KIRREL3: variants seen among roughly 807,000 people sequenced by gnomAD.
KIRREL3 encodes the protein kin of IRRE-like protein 3.
Under a neutral mutation model 89.7 loss-of-function variants are expected in KIRREL3, and 36 were observed. The observed-to-expected ratio is 0.40, with a 90% CI of 0.31 to 0.53. The LOEUF is 0.53. Among genes scored for constraint, KIRREL3 ranks in the 20% least tolerant of loss-of-function variants. The probability of loss-of-function intolerance (pLI) is 0.49; values close to 1 mark genes in which losing one functional copy is unlikely to be tolerated. For synonymous variants in KIRREL3, 445 were observed against 441.4 expected, an observed-to-expected ratio of 1.01 and a Z score of -0.10; for missense variants, 864 against 1,056.6, an observed-to-expected ratio of 0.82 and a Z score of 2.53.
chr11:126,922,121 GTCTATCTATCTA>G (rs60938174), intron 1 of KIRREL3, among the ~76,000 whole-genome samples: 5,254 of 140,032 alleles, frequency 0.038, 141 homozygotes, highest in Non-Finnish European at 0.048. Context: ...CTATCTGTCT[GTCTATCTATCTA>G]TCTATCTATC....
rs1041917689 is a variant in KIRREL3, at chr11:126,744,429, T to G, written c.56-181517A>C. Among the ~76,000 whole-genome samples, 6 of 152,178 alleles carry G rather than the reference T, an allele frequency of 3.9e-5. No homozygotes were observed. The highest frequency in any genetic ancestry group is 1.4e-4 in the African/African-American group (6 of 41,430). On this transcript the variant is annotated intron_variant, in intron 1 of 16. Transcript: ENST00000525144. The surrounding 1 kb of genome is among the most constrained non-coding windows in gnomAD (Gnocchi z 4.7). ...ACTGTCCCAGACATGCAGAACAGGC[T>G]GCTGGACTAGACGGGGACAAGGAAA...
intron 1 of KIRREL3, among the ~76,000 whole-genome samples, chr11:126,815,808 T>C (rs891929323): frequency 2.0e-5 from 3 of 152,204 alleles, no homozygotes; most frequent in Non-Finnish European, 2.9e-5. Context: ...GTGCTGGGAT[T>C]ACAGGCATGA....
chr11:126,522,391 C>A lies in KIRREL3; in HGVS notation c.284-927G>T, dbSNP rs1318387444. ...CAGGAAGTAGAAATCTAGGCCCGCC[C>A]TTCCAGTGTCTAGGAACCTTGGGTC... On this transcript the variant is annotated intron_variant, in intron 3 of 16. Transcript: ENST00000525144. This position sits in a 1 kb window ranked among gnomAD's most constrained non-coding sequence, Gnocchi z 6.0. Among the ~76,000 whole-genome samples, 1 of 152,172 alleles carries A rather than the reference C, an allele frequency of 6.6e-6. No individual in the cohort carries two copies. Among genetic ancestry groups the A allele is most frequent in the Admixed American group, 6.5e-5 (1 of 15,284 alleles).
intron 1 of KIRREL3, among the ~76,000 whole-genome samples, chr11:126,698,344 T>C (rs992832303): frequency 3.9e-5 from 6 of 152,182 alleles, no homozygotes; most frequent in African/African-American, 1.4e-4. Context: ...CAAATCCCTC[T>C]CCCAGGCCTG....
intron 1 of KIRREL3, among the ~76,000 whole-genome samples, chr11:126,667,061 G>T (rs894369137): frequency 6.6e-6 from 1 of 152,192 alleles, no homozygotes; most frequent in Admixed American, 6.5e-5. Context: ...ATTTCAGGGA[G>T]AGATATCACT....
In KIRREL3 at chr11:126,424,825, C is replaced by T. The variant is rs1292869646; in HGVS notation, c.2092G>A (p.Gly698Ser). 1 of 1,613,902 alleles carries T rather than the reference C, an allele frequency of 6.2e-7. No individual in the cohort carries two copies. Among genetic ancestry groups the T allele is most frequent in the African/African-American group, 1.3e-5 (1 of 74,942 alleles). ...AGCTCGATGGACGAGCTGCCCATGC[C>T]CAGCACAAACCGCTGCCCGTAGTCG... Reference protein sequence around the residue: ...LYDYGQRFVLGMGSSSIELCE... With the variant: ...LYDYGQRFVLSMGSSSIELCE... The change falls in exon 17 of 17, where the codon GGC (glycine) becomes AGC (serine). Residue 698 changes from glycine (G) to serine (S), a missense_variant. Physicochemically the swap from Gly to Ser is moderately conservative, Grantham distance 56. Transcript: ENST00000525144.
intron 1 of KIRREL3, among the ~76,000 whole-genome samples, chr11:126,718,143 G>C (rs1236248379): frequency 6.6e-6 from 1 of 152,154 alleles, no homozygotes; most frequent in Non-Finnish European, 1.5e-5. Context: ...TTGCATCCCA[G>C]CTCTGGGCTC....
rs1207776769 is a variant in KIRREL3, at chr11:126,709,989, AT to A, written c.56-147078del. Among the ~76,000 whole-genome samples the A allele has an allele frequency of 1.3e-5, 2 of 152,188 alleles. No individual in the cohort carries two copies. Among genetic ancestry groups the A allele is most frequent in the Non-Finnish European group, 2.9e-5 (2 of 68,026 alleles). ...CATTCATTATCACTAATCCTTACACATGCCCTGCCAGGAAGTTACTGTCACA... is the reference window on the plus strand; with the variant it reads ...CATTCATTATCACTAATCCTTACACAGCCCTGCCAGGAAGTTACTGTCACA... On this transcript the variant is annotated intron_variant, in intron 1 of 16. Coordinates refer to ENST00000525144, the MANE Select transcript of KIRREL3 (RefSeq NM_032531.4). This position sits in a 1 kb window ranked among gnomAD's most constrained non-coding sequence, Gnocchi z 4.0.
intron 1 of KIRREL3, among the ~76,000 whole-genome samples, chr11:126,864,243 GC>G (rs1415497481): frequency 6.6e-6 from 1 of 152,202 alleles, no homozygotes; most frequent in Non-Finnish European, 1.5e-5. Context: ...AACTTGGAGT[GC>G]CAAAGTTCAA....
chr11:126,801,162 G>A (rs1951020429), intron 1 of KIRREL3, among the ~76,000 whole-genome samples: 1 of 152,156 alleles, frequency 6.6e-6, no homozygotes, highest in African/African-American at 2.4e-5. Context: ...GGGAATTAAT[G>A]AGAAACTCCA....
chr11:126,850,263 C>T (rs2134560522), intron 1 of KIRREL3, among the ~76,000 whole-genome samples: 1 of 152,354 alleles, frequency 6.6e-6, no homozygotes. Context: ...ATTTTATTAA[C>T]TTCCCTTTTC....
In KIRREL3 at chr11:126,907,492, C is replaced by T. The variant is rs143253637; in HGVS notation, c.55+92963G>A. Among the ~76,000 whole-genome samples the T allele has an allele frequency of 4.4e-3, 676 of 152,262 alleles. 2 individuals are homozygous for T. The highest frequency in any genetic ancestry group is 0.013 in the African/African-American group (549 of 41,564). ...CTATAAGAAAAAGATGGCTTGCAGA[C>T]GCCAGGCCAGGCAAAGAGACTTTTT... On this transcript the variant is annotated intron_variant, in intron 1 of 16. Coordinates refer to ENST00000525144, the MANE Select transcript of KIRREL3 (RefSeq NM_032531.4).
intron 1 of KIRREL3, among the ~76,000 whole-genome samples, chr11:126,637,581 A>T (rs931825984): frequency 6.6e-6 from 1 of 152,206 alleles, no homozygotes; most frequent in Non-Finnish European, 1.5e-5. Context: ...CAATTCAAAG[A>T]AAAAAATGAC....
chr11:126,854,993 G>A (rs1372847850), intron 1 of KIRREL3, among the ~76,000 whole-genome samples: 1 of 152,096 alleles, frequency 6.6e-6, no homozygotes, highest in Non-Finnish European at 1.5e-5. Flanking sequence ...TGTGGAGTCC[G>A]AGGCACAGAG....
intron 1 of KIRREL3, among the ~76,000 whole-genome samples, chr11:126,600,884 C>T (rs988762738): frequency 1.3e-5 from 2 of 152,118 alleles, no homozygotes; most frequent in African/African-American, 4.8e-5. Context: ...GTTACTGTTC[C>T]CTCTCCCAGT....
intron 9 of KIRREL3, 112 bp downstream of exon 9, chr11:126,446,647 G>A: frequency 8.2e-7 from 1 of 1,218,088 alleles, no homozygotes. Context: ...GCTTACACTG[G>A]AGGCTGACTC....
chr11:126,813,306 A>G (rs1460871782), intron 1 of KIRREL3, among the ~76,000 whole-genome samples: 1 of 152,164 alleles, frequency 6.6e-6, no homozygotes, highest in Non-Finnish European at 1.5e-5. Flanking sequence ...AAAATCATTA[A>G]AAACATGTTC....
intron 1 of KIRREL3, among the ~76,000 whole-genome samples, chr11:126,751,998 A>G (rs1264433690): frequency 6.6e-6 from 1 of 152,166 alleles, no homozygotes; most frequent in Non-Finnish European, 1.5e-5. Flanking sequence ...CCACCATGCC[A>G]AGCTTAGAAT....
rs61897865 is a variant in KIRREL3 at position 126,703,639 on chromosome 11, A to G, written c.56-140727T>C. On this transcript the variant is annotated intron_variant, in intron 1 of 16. Coordinates refer to ENST00000525144, the MANE Select transcript of KIRREL3 (RefSeq NM_032531.4). The surrounding 1 kb of genome is among the most constrained non-coding windows in gnomAD (Gnocchi z 4.6). Reference sequence around the variant, plus strand: ...ACTCCTAAGTTCACACTTTGTCTTCATTCATGATACAAAAGAGATGTCTGT... The same window carrying G: ...ACTCCTAAGTTCACACTTTGTCTTCGTTCATGATACAAAAGAGATGTCTGT... 0.044 allele frequency among the ~76,000 whole-genome samples: 6,723 copies of G among 152,320 alleles called. 190 individuals carry two copies. Among genetic ancestry groups the G allele is most frequent in the Non-Finnish European group, 0.06 (4,088 of 68,018 alleles).
Sources: allele counts gnomAD v4.1 joint callset (sites outside exome capture counted in the v4.1 genomes callset), GRCh38; gene constraint gnomAD v4.1.1; non-coding constraint Gnocchi (gnomAD v3.1); transcripts MANE v1.5; gene names NCBI Gene and HGNC (gene_info 2026-07-23, HGNC 2026-07-21).